PRPSAP1: variants seen among roughly 807,000 people sequenced by gnomAD.
PRPSAP1 encodes phosphoribosyl pyrophosphate synthetase associated protein 1, also known as phosphoribosyl pyrophosphate synthase-associated protein 1.
A neutral mutation model predicts 39.4 loss-of-function variants in PRPSAP1; 31 were observed. The observed-to-expected ratio is 0.79, with a 90% CI of 0.59 to 1.06. The LOEUF (loss-of-function observed/expected upper bound fraction) is 1.06. Ranked by LOEUF, PRPSAP1 falls within the 50% of genes least tolerant of loss-of-function variation. The pLI is 0.00. For missense variants in PRPSAP1, 430 were observed against 511.6 expected (o/e 0.84, Z 1.54); for synonymous variants, 212 against 192.6 (o/e 1.10, Z -0.83).
chr17:76,346,743 G>A (rs145518453), intron 2 of PRPSAP1, among the ~76,000 whole-genome samples: 225 of 152,348 alleles, frequency 1.5e-3, no homozygotes, highest in Middle Eastern at 3.4e-3. Context: ...ACTGAAAAAG[G>A]GAGTTTGGCC....
At chr17:76,317,474 A>AG (rs1477357815) in intron 7 of PRPSAP1, among the ~76,000 whole-genome samples, 1 of 152,156 alleles carries the variant, frequency 6.6e-6, no homozygotes, top group Admixed American at 6.5e-5. Flanking sequence ...CAGTGGGCTG[A>AG]GATCGCCCAC....
intron 2 of PRPSAP1, among the ~76,000 whole-genome samples, chr17:76,348,311 A>G (rs991270710): frequency 1.3e-5 from 2 of 151,600 alleles, no homozygotes; most frequent in East Asian, 3.9e-4. Flanking sequence ...CATCTCTACT[A>G]AAAATACAAA....
intron 3 of PRPSAP1, among the ~76,000 whole-genome samples, chr17:76,340,169 AG>A (rs2071420873): frequency 6.9e-6 from 1 of 145,776 alleles, no homozygotes; most frequent in Admixed American, 6.8e-5. Context: ...AAAAAAGAAT[AG>A]AGACAGGGTC....
At position 76,313,874 on chromosome 17, in the gene PRPSAP1, T is replaced by A. The variant is rs184966696; in HGVS notation, c.799A>T (p.Lys267Ter). The A allele has an allele frequency of 5.8e-5, 94 of 1,614,146 alleles. No individual in the cohort carries two copies. The Admixed American group carries it at 1.5e-3, about 26-fold the overall frequency. Residue 267 changes from lysine (K) to a stop codon, truncating the protein, a stop_gained, in exon 8 of 10, where the codon AAG becomes TAG. Transcript: ENST00000446526. LOFTEE classifies it high-confidence loss of function. ...TCTCCAACTACAGTTATCGGTGGCT[T>A]CTCTTTGGCCATCATCACTAGCAAA... ...LELPLMMAKE[K>*]PPITVVGDVG...
At chr17:76,352,667 A>AG (rs2071590384) in intron 1 of PRPSAP1, among the ~76,000 whole-genome samples, 1 of 149,400 alleles carries the variant, frequency 6.7e-6, no homozygotes, top group Non-Finnish European at 1.5e-5. Flanking sequence ...AAAAAAAAAA[A>AG]GAAAAGAAAA....
chr17:76,349,139 C>T (rs776795129), intron 1 of PRPSAP1, among the ~76,000 whole-genome samples: 3 of 151,630 alleles, frequency 2.0e-5, no homozygotes, highest in East Asian at 3.9e-4. Context: ...GGAGAAACCC[C>T]GTCTAAAATA....
At chr17:76,346,728 T>A (rs1259288255) in intron 2 of PRPSAP1, among the ~76,000 whole-genome samples, 2 of 152,246 alleles carry the variant, frequency 1.3e-5, no homozygotes, top group African/African-American at 4.8e-5. Flanking sequence ...GATTTTTGGT[T>A]GTGCACTGAA....
At chr17:76,344,136 GT>G (rs796741677) in intron 3 of PRPSAP1, among the ~76,000 whole-genome samples, 1 of 145,532 alleles carries the variant, frequency 6.9e-6, no homozygotes, top group Admixed American at 6.9e-5. Context: ...CATTTATTTT[GT>G]TTTTTTTTGA....
At chr17:76,334,412 TC>T (rs2071357752) in intron 3 of PRPSAP1, among the ~76,000 whole-genome samples, 1 of 152,236 alleles carries the variant, frequency 6.6e-6, no homozygotes, top group Non-Finnish European at 1.5e-5. Flanking sequence ...AGAGATGCTT[TC>T]TAGCTTGAAG....
At chr17:76,337,451 C>CAAG (rs397784663) in intron 3 of PRPSAP1, 3 of 147,920 alleles carry the variant, frequency 2.0e-5, no homozygotes, top group South Asian at 2.1e-4. Flanking sequence ...CAACAACAAA[C>CAAG]TAACCTGAGA....
At chr17:76,350,521 A>G (rs2071557225) in intron 1 of PRPSAP1, among the ~76,000 whole-genome samples, 1 of 152,196 alleles carries the variant, frequency 6.6e-6, no homozygotes, top group African/African-American at 2.4e-5. Context: ...AATAAGCCAG[A>G]CACAGACAAA....
At chr17:76,338,795 A>G (rs1243204149) in intron 3 of PRPSAP1, among the ~76,000 whole-genome samples, 1 of 152,116 alleles carries the variant, frequency 6.6e-6, no homozygotes, top group Admixed American at 6.6e-5. Context: ...GGACTTTGGG[A>G]GGCCGAGGTG....
chr17:76,328,765 G>A lies in PRPSAP1; in HGVS notation c.733C>T (p.Pro245Ser). The A allele has an allele frequency of 6.2e-7, 1 of 1,614,132 alleles. No individual in the cohort carries two copies. The highest frequency in any genetic ancestry group is 1.1e-5 in the South Asian group (1 of 91,068). Residue 245 changes from proline to serine, a missense_variant, in exon 7 of 10, where the codon CCG (proline) becomes TCG (serine). By Grantham distance (74) the Pro-to-Ser change is moderately conservative (BLOSUM62 -1). Coordinates refer to ENST00000446526, the MANE Select transcript of PRPSAP1 (RefSeq NM_002766.3). The part of the protein sequence containing the change: ...ELDMDDGRHS[P>S]PMVKNATVHP... ...ACAGTAGCATTTTTGACCATAGGCG[G>A]GGAGTGACGACCATCGTCCATGTCC...
chr17:76,341,280 C>T (rs1317402809), intron 3 of PRPSAP1, among the ~76,000 whole-genome samples: 1 of 143,410 alleles, frequency 7.0e-6, no homozygotes, highest in Non-Finnish European at 1.5e-5. Context: ...CTCTGTTGCC[C>T]AGGTTAGAGT....
intron 1 of PRPSAP1, among the ~76,000 whole-genome samples, 185 bp from the exon 2 acceptor site, chr17:76,348,766 G>A (rs1488987521): frequency 2.0e-5 from 3 of 152,108 alleles, no homozygotes; most frequent in Admixed American, 1.3e-4. Flanking sequence ...AGCTCACCAC[G>A]TTGTAACATA....
chr17:76,353,713 C>T lies in PRPSAP1; in HGVS notation c.-10G>A, dbSNP rs1262602546. On this transcript the variant is annotated 5_prime_UTR_variant, in exon 1 of 10. Coordinates refer to ENST00000446526, the MANE Select transcript of PRPSAP1 (RefSeq NM_002766.3). ...GCAGCTTCTTGGGCATCGTCCGGCC[C>T]GCGGCGCGGTTACGACCGGCCCCGC... 1.4e-6 allele frequency: 2 copies of T among 1,455,026 alleles called. No individual in the cohort carries two copies. Among genetic ancestry groups the T allele is most frequent in the South Asian group, 1.4e-5 (1 of 70,786 alleles). 90.1% of individuals were successfully genotyped at this position (1,455,026 alleles called of 1,614,324 possible).
chr17:76,318,887 T>C (rs1299177890), intron 7 of PRPSAP1, among the ~76,000 whole-genome samples: 1 of 152,206 alleles, frequency 6.6e-6, no homozygotes, highest in East Asian at 1.9e-4. Flanking sequence ...ACTCTGATAA[T>C]ACAACATCTA....
At chr17:76,326,931 A>G (rs142690122) in intron 7 of PRPSAP1, among the ~76,000 whole-genome samples, 148 of 144,152 alleles carry the variant, frequency 1.0e-3, no homozygotes, top group South Asian at 1.7e-3. Flanking sequence ...CAAATGGTGG[A>G]AAAAAAAAAA....
chr17:76,341,755 T>C (rs905741767), intron 3 of PRPSAP1, among the ~76,000 whole-genome samples: 16 of 152,128 alleles, frequency 1.1e-4, no homozygotes, highest in Admixed American at 7.2e-4. Context: ...CTGGCTAACA[T>C]GGTGAAACCC....
Sources: allele counts gnomAD v4.1 joint callset (sites outside exome capture counted in the v4.1 genomes callset), GRCh38; gene constraint gnomAD v4.1.1; transcripts MANE v1.5; gene names NCBI Gene and HGNC (gene_info 2026-07-23, HGNC 2026-07-21).